The following BCL7C variants were observed in gnomAD, a reference collection of about 807,000 sequenced individuals.
The protein encoded by BCL7C is BAF chromatin remodeling complex subunit BCL7C.
BCL7C carries 8 observed loss-of-function variants against 26.2 expected under a neutral mutation model. That is an observed-to-expected ratio of 0.30 (90% CI 0.18 to 0.55). BCL7C has a LOEUF of 0.55. BCL7C is among the 20% of genes least tolerant of loss of function. BCL7C has a pLI of 0.93. For synonymous variants in BCL7C, 90 were observed against 116.5 expected (o/e 0.77, Z 1.47); for missense variants, 262 against 298.5 (o/e 0.88, Z 0.90).
chr16:30,891,195 G>A (rs1240711020), intron 4 of BCL7C, among the ~76,000 whole-genome samples: 11 of 150,460 alleles, frequency 7.3e-5, no homozygotes, highest in South Asian at 4.2e-4. Flanking sequence ...AAGGCTGGGC[G>A]TGGTGGCTCG....
chr16:30,855,639 T>A (rs891460625), intron 5 of BCL7C, among the ~76,000 whole-genome samples: 1 of 152,184 alleles, frequency 6.6e-6, no homozygotes, highest in Non-Finnish European at 1.5e-5. Context: ...AGATCATTGC[T>A]ACGGACGGGG....
At position 30,834,192 on chromosome 16, in the gene BCL7C, A is replaced by G. The variant is rs2054556174; in HGVS notation, c.*756T>C. 1 of 152,248 alleles carries G rather than the reference A, an allele frequency of 6.6e-6. No homozygotes were observed. The highest frequency in any genetic ancestry group is 6.5e-5 in the Admixed American group (1 of 15,290). The allele number at this position is 152,248 out of a possible 1,614,324, so 9.4% of individuals were successfully genotyped here. A position where few individuals can be genotyped will look rare whatever the true frequency, so the allele number is the denominator to read the frequency against. On this transcript the variant is annotated 3_prime_UTR_variant, in exon 6 of 6. Transcript: ENST00000380317. The surrounding 1 kb of genome is among the most constrained non-coding windows in gnomAD (Gnocchi z 4.3). ...CTTCTCGGGCTAGGATTTTCCAGGTAGGTTAGGCCACCAGCTCAGGGCTGC... is the reference window on the plus strand; with the variant it reads ...CTTCTCGGGCTAGGATTTTCCAGGTGGGTTAGGCCACCAGCTCAGGGCTGC...
chr16:30,864,846 AC>A (rs1175195716), intron 5 of BCL7C, among the ~76,000 whole-genome samples: 2 of 95,236 alleles, frequency 2.1e-5, no homozygotes, highest in African/African-American at 3.9e-5. Context: ...CCCCACCCCC[AC>A]CCCCCCACCC....
chr16:30,868,997 A>C (rs1338796873), intron 5 of BCL7C, among the ~76,000 whole-genome samples: 1 of 151,724 alleles, frequency 6.6e-6, no homozygotes, highest in Non-Finnish European at 1.5e-5. Flanking sequence ...CACCTGCCTC[A>C]GCCTCCCAAA....
At chr16:30,890,180 G>T (rs1362032466) in intron 4 of BCL7C, among the ~76,000 whole-genome samples, 2 of 151,800 alleles carry the variant, frequency 1.3e-5, no homozygotes, top group Admixed American at 6.6e-5. Context: ...TGGATCACGA[G>T]GTCAGGAGTT....
chr16:30,847,449 C>A (rs1198564883), intron 5 of BCL7C, among the ~76,000 whole-genome samples: 2 of 152,110 alleles, frequency 1.3e-5, no homozygotes, highest in Admixed American at 6.6e-5. Context: ...GATGCTCATA[C>A]CCTCAAAATC....
rs1016869432 is a variant in BCL7C at position 30,834,423 on chromosome 16, C to A, written c.*525G>T. 1 of 152,450 alleles carries A rather than the reference C, an allele frequency of 6.6e-6. No individual in the cohort carries two copies. The highest frequency in any genetic ancestry group is 2.4e-5 in the African/African-American group (1 of 41,466). 9.4% of individuals were successfully genotyped at this position (152,450 alleles called of 1,614,324 possible). On this transcript the variant is annotated 3_prime_UTR_variant, in exon 6 of 6. Transcript: ENST00000380317. The surrounding 1 kb of genome is among the most constrained non-coding windows in gnomAD (Gnocchi z 4.3). Reference sequence around the variant, plus strand: ...CTGCGCTGGGGTCTCTGCGCGTGCACGGGCCTCAACATATGCATGGACGTC... The same window carrying A: ...CTGCGCTGGGGTCTCTGCGCGTGCAAGGGCCTCAACATATGCATGGACGTC...
chr16:30,860,955 G>C (rs1005373343), intron 5 of BCL7C, among the ~76,000 whole-genome samples: 1 of 151,956 alleles, frequency 6.6e-6, no homozygotes, highest in African/African-American at 2.4e-5. Flanking sequence ...CACCCGGTCC[G>C]GCTTACAGTT....
At chr16:30,856,205 G>C (rs2151368465) in intron 5 of BCL7C, among the ~76,000 whole-genome samples, 1 of 151,846 alleles carries the variant, frequency 6.6e-6, no homozygotes. Flanking sequence ...ACTTTGGGAG[G>C]CTGAGGCGGG....
chr16:30,879,699 A>AAAAAAAAAAAAAC (rs2055011082), intron 5 of BCL7C, among the ~76,000 whole-genome samples: 1 of 144,604 alleles, frequency 6.9e-6, no homozygotes, highest in Admixed American at 7.1e-5. Context: ...CAAAAAAAAA[A>AAAAAAAAAAAAAC]AAAAAAAAAA....
intron 5 of BCL7C, among the ~76,000 whole-genome samples, chr16:30,871,005 C>T (rs778359070): frequency 1.3e-5 from 2 of 152,168 alleles, no homozygotes; most frequent in East Asian, 3.8e-4. Flanking sequence ...TAAATGTACC[C>T]AGCCCAGTGC....
Position 30,893,954 on chromosome 16 carries a change from G to C in BCL7C, c.-10C>G, listed in dbSNP as rs750763225. ...CAGTCCGGCCGGCCATGCTGGCGGG[G>C]CTGGGGCCGGGGCCGAGCCCGCGGC... On this transcript the variant is annotated 5_prime_UTR_variant, in exon 1 of 6. Transcript: ENST00000215115. This position sits in a 1 kb window ranked among gnomAD's most constrained non-coding sequence, Gnocchi z 5.2. The C allele has an allele frequency of 2.6e-6, 4 of 1,510,096 alleles. No homozygotes were observed. The highest frequency in any genetic ancestry group is 3.5e-6 in the Non-Finnish European group (4 of 1,130,268). The allele number at this position is 1,510,096 out of a possible 1,614,324, so 93.5% of individuals were successfully genotyped here.
chr16:30,846,386 C>T (rs1235593409), intron 5 of BCL7C, among the ~76,000 whole-genome samples: 4 of 151,360 alleles, frequency 2.6e-5, no homozygotes, highest in African/African-American at 7.3e-5. Flanking sequence ...CCAACACGCC[C>T]GGCTAAATTT....
chr16:30,881,706 G>T (rs1399068815), intron 5 of BCL7C, among the ~76,000 whole-genome samples: 1 of 152,046 alleles, frequency 6.6e-6, no homozygotes, highest in Non-Finnish European at 1.5e-5. Flanking sequence ...AGTCACACTG[G>T]CTCTCCTTTG....
chr16:30,863,970 A>C (rs2054799719), intron 5 of BCL7C, among the ~76,000 whole-genome samples: 2 of 150,556 alleles, frequency 1.3e-5, no homozygotes, highest in African/African-American at 2.4e-5. Flanking sequence ...TTTTATACTC[A>C]CTCTTATTCT....
chr16:30,860,031 T>C (rs2054756509), intron 5 of BCL7C, among the ~76,000 whole-genome samples: 1 of 152,138 alleles, frequency 6.6e-6, no homozygotes, highest in African/African-American at 2.4e-5. Flanking sequence ...GTAAGCGGTC[T>C]TTTCACTCTC....
chr16:30,891,050 T>A (rs2055220140), intron 4 of BCL7C, among the ~76,000 whole-genome samples: 1 of 150,572 alleles, frequency 6.6e-6, no homozygotes, highest in African/African-American at 2.5e-5. Context: ...ATGCCTGTAA[T>A]CCCAGCTACA....
intron 5 of BCL7C, among the ~76,000 whole-genome samples, chr16:30,880,696 T>C (rs900422297): frequency 8.5e-5 from 13 of 152,084 alleles, no homozygotes; most frequent in African/African-American, 3.1e-4. Flanking sequence ...GTTCTGGTTT[T>C]ATTTTTATTT....
intron 5 of BCL7C, among the ~76,000 whole-genome samples, chr16:30,853,089 C>T (rs2054690833): frequency 6.6e-6 from 1 of 151,728 alleles, no homozygotes; most frequent in South Asian, 2.1e-4. Context: ...ACATGCGCCA[C>T]CACGCCCAGC....
Sources: gnomAD v4.1 joint callset for allele counts (sites outside exome capture counted in the v4.1 genomes callset) on GRCh38, gnomAD v4.1.1 for gene constraint, Gnocchi (gnomAD v3.1) non-coding constraint, MANE v1.5 for transcripts, NCBI Gene and HGNC (gene_info 2026-07-23, HGNC 2026-07-21) for gene names.